Variants in LRRC4C observed in about 807,000 individuals in gnomAD.
The protein encoded by LRRC4C is leucine-rich repeat-containing protein 4C.
Under a neutral mutation model 33.6 loss-of-function variants are expected in LRRC4C, and 5 were observed. The ratio of observed to expected loss-of-function variants is 0.15; its 90% CI spans 0.08 to 0.31. The LOEUF is 0.31. Ranked by LOEUF, LRRC4C falls within the 10% of genes least tolerant of loss-of-function variation. The pLI is 1.00. For synonymous variants in LRRC4C, 329 were observed against 302.0 expected (o/e 1.09, Z -0.93); for missense variants, 560 against 796.7 (o/e 0.70, Z 3.58).
intron 1 of LRRC4C, among the ~76,000 whole-genome samples, chr11:41,262,223 A>G (rs1034500822): frequency 1.3e-5 from 2 of 152,094 alleles, no homozygotes; most frequent in African/African-American, 4.8e-5. Context: ...AAAATTTTCC[A>G]GTGACACAGA....
intron 3 of LRRC4C, among the ~76,000 whole-genome samples, chr11:40,375,651 G>T (rs1189818264): frequency 2.0e-5 from 3 of 152,102 alleles, no homozygotes; most frequent in Non-Finnish European, 2.9e-5. Context: ...ATTGTATGAT[G>T]ACTGCACAAT....
At chr11:40,557,309 A>C (rs151146210) in intron 3 of LRRC4C, among the ~76,000 whole-genome samples, 5 of 152,292 alleles carry the variant, frequency 3.3e-5, no homozygotes, top group African/African-American at 1.2e-4. Flanking sequence ...TCCACAACTT[A>C]CTTGATTGTC....
chr11:40,509,040 A>G (rs1205838866), intron 3 of LRRC4C, among the ~76,000 whole-genome samples: 1 of 152,212 alleles, frequency 6.6e-6, no homozygotes, highest in African/African-American at 2.4e-5. Context: ...GTCTTAAAAT[A>G]AGCAGATCCA....
At chr11:40,430,654 C>A (rs1377420621) in intron 3 of LRRC4C, among the ~76,000 whole-genome samples, 1 of 151,980 alleles carries the variant, frequency 6.6e-6, no homozygotes. Context: ...TACCTTTCTT[C>A]TACATATATA....
At position 40,428,949 on chromosome 11, in the gene LRRC4C, A is replaced by G. The variant is rs1260745695; in HGVS notation, c.-269-109228T>C. The stretch of plus-strand genomic sequence containing the variant: ...ATATTTAGTAAATACATTTCTAAAA[A>G]GTAGAAAGAATTGCCTACACTTATT... On this transcript the variant is annotated intron_variant, in intron 3 of 6. Coordinates refer to ENST00000528697, the MANE Select transcript of LRRC4C (RefSeq NM_001258419.2). Among the ~76,000 whole-genome samples the G allele has an allele frequency of 5.3e-5, 8 of 152,238 alleles. No homozygotes were observed. In the East Asian group the frequency reaches 1.5e-3, roughly 29 times the overall value.
chr11:41,231,447 T>C (rs1299475307), intron 1 of LRRC4C, among the ~76,000 whole-genome samples: 8 of 149,230 alleles, frequency 5.4e-5, no homozygotes, highest in Admixed American at 5.3e-4. Context: ...TAAAAAATGA[T>C]GACTTCATGT....
intron 3 of LRRC4C, among the ~76,000 whole-genome samples, chr11:40,514,974 C>T (rs1955504262): frequency 6.6e-6 from 1 of 152,124 alleles, no homozygotes. Flanking sequence ...TAAACTAAAA[C>T]ATCCACACCA....
intron 3 of LRRC4C, among the ~76,000 whole-genome samples, chr11:40,563,412 T>A (rs1317390368): frequency 6.6e-6 from 1 of 152,076 alleles, no homozygotes; most frequent in Admixed American, 6.6e-5. Flanking sequence ...ACTGGAAAGG[T>A]CTGAGAGTAA....
intron 1 of LRRC4C, among the ~76,000 whole-genome samples, chr11:41,060,145 G>T (rs983307075): frequency 6.6e-6 from 1 of 152,130 alleles, no homozygotes; most frequent in South Asian, 2.1e-4. Context: ...CTAGCATGTC[G>T]CTCTGTGTCA....
intron 2 of LRRC4C, among the ~76,000 whole-genome samples, chr11:40,705,727 T>A (rs978721195): frequency 2.8e-4 from 42 of 152,104 alleles, no homozygotes; most frequent in African/African-American, 8.2e-4. Context: ...TACCACGTAA[T>A]GGGATCACTG....
intron 1 of LRRC4C, among the ~76,000 whole-genome samples, chr11:40,946,343 G>C (rs1224005313): frequency 6.6e-6 from 1 of 152,120 alleles, no homozygotes; most frequent in Non-Finnish European, 1.5e-5. Context: ...ACCACTGATG[G>C]GCACCTAGGT....
At chr11:41,253,157 A>T (rs1367107456) in intron 1 of LRRC4C, among the ~76,000 whole-genome samples, 1 of 152,178 alleles carries the variant, frequency 6.6e-6, no homozygotes, top group Non-Finnish European at 1.5e-5. Flanking sequence ...AATGGAACAG[A>T]TCTGAGGATA....
chr11:40,341,764 C>T (rs1946879064), intron 3 of LRRC4C, among the ~76,000 whole-genome samples: 1 of 152,150 alleles, frequency 6.6e-6, no homozygotes, highest in South Asian at 2.1e-4. Context: ...ATAGTCATCA[C>T]AGTTGATACA....
intron 1 of LRRC4C, among the ~76,000 whole-genome samples, chr11:41,131,365 C>G (rs1943003694): frequency 6.6e-6 from 1 of 152,048 alleles, no homozygotes; most frequent in South Asian, 2.1e-4. Flanking sequence ...ATCTTAAATT[C>G]TAACTCAAAT....
At chr11:41,423,227 G>A (rs1565661228) in intron 1 of LRRC4C, among the ~76,000 whole-genome samples, 1 of 152,070 alleles carries the variant, frequency 6.6e-6, no homozygotes, top group East Asian at 1.9e-4. Flanking sequence ...GGAGACCCAT[G>A]GGTAATTGGC....
At chr11:41,376,721 C>T (rs559932174) in intron 1 of LRRC4C, among the ~76,000 whole-genome samples, 41 of 151,848 alleles carry the variant, frequency 2.7e-4, no homozygotes, top group African/African-American at 9.9e-4. Context: ...ATAATATACA[C>T]AATATACTGA....
At chr11:40,432,062 C>T (rs1276589156) in intron 3 of LRRC4C, among the ~76,000 whole-genome samples, 1 of 152,200 alleles carries the variant, frequency 6.6e-6, no homozygotes, top group African/African-American at 2.4e-5. Context: ...TATAAAACTT[C>T]AGACAGGTAG....
chr11:41,138,347 G>A (rs941931548), intron 1 of LRRC4C, among the ~76,000 whole-genome samples: 1 of 152,180 alleles, frequency 6.6e-6, no homozygotes, highest in Non-Finnish European at 1.5e-5. Flanking sequence ...TTGGTGAATG[G>A]TCAGGAGAGT....
At chr11:41,081,418 C>A (rs1258211111) in intron 1 of LRRC4C, among the ~76,000 whole-genome samples, 3 of 152,188 alleles carry the variant, frequency 2.0e-5, no homozygotes, top group African/African-American at 7.2e-5. Flanking sequence ...TCTCACCCAG[C>A]AGTCTTCACC....
Sources: gnomAD v4.1 joint callset for allele counts (sites outside exome capture counted in the v4.1 genomes callset) on GRCh38, gnomAD v4.1.1 for gene constraint, MANE v1.5 for transcripts, NCBI Gene and HGNC (gene_info 2026-07-23, HGNC 2026-07-21) for gene names.